Variants in RFX8 observed in about 807,000 individuals in gnomAD.
The protein encoded by RFX8 is regulatory factor X8.
RFX8 carries 46 observed loss-of-function variants against 54.6 expected under a neutral mutation model. The observed-to-expected ratio is 0.84, with a 90% CI of 0.67 to 1.08. RFX8 has a LOEUF of 1.08. RFX8 is among the 50% of genes least tolerant of loss of function. The pLI, the probability that RFX8 is intolerant of heterozygous loss-of-function variation, is 0.00. For synonymous variants in RFX8, 192 were observed against 209.5 expected (o/e 0.92, Z 0.72); for missense variants, 536 against 562.3 (o/e 0.95, Z 0.47).
At chr2:101,405,560 G>C (rs970029627) in intron 10 of RFX8, among the ~76,000 whole-genome samples, 2 of 152,064 alleles carry the variant, frequency 1.3e-5, no homozygotes, top group Non-Finnish European at 2.9e-5. Flanking sequence ...CTCTACCATC[G>C]CATACAATGG....
intron 10 of RFX8, among the ~76,000 whole-genome samples, chr2:101,405,177 G>C (rs568742569): frequency 2.1e-5 from 3 of 144,742 alleles, no homozygotes; most frequent in Non-Finnish European, 4.5e-5. Context: ...GTGAAGTTTC[G>C]TTCTTGTCAC....
chr2:101,413,978 T>C (rs2104556959), intron 7 of RFX8, among the ~76,000 whole-genome samples: 1 of 152,304 alleles, frequency 6.6e-6, no homozygotes, highest in East Asian at 1.9e-4. Flanking sequence ...CCCCAGGCTC[T>C]ATCCCAATAG....
intron 1 of RFX8, among the ~76,000 whole-genome samples, chr2:101,469,531 TA>T (rs1160369205): frequency 6.6e-6 from 1 of 152,160 alleles, no homozygotes; most frequent in Non-Finnish European, 1.5e-5. Flanking sequence ...AAATGTTGGC[TA>T]AATCCGGGAA....
intron 8 of RFX8, among the ~76,000 whole-genome samples, chr2:101,411,490 C>T (rs1182144580): frequency 4.5e-5 from 1 of 22,366 alleles, no homozygotes; most frequent in Non-Finnish European, 1.3e-4. Context: ...GTCTGGAAGG[C>T]ACCGGGCGGG....
intron 1 of RFX8, among the ~76,000 whole-genome samples, chr2:101,469,138 GTATATA>G (rs1330915540): frequency 8.8e-6 from 1 of 113,566 alleles, no homozygotes; most frequent in Non-Finnish European, 1.8e-5. Context: ...ATATATATAA[GTATATA>G]TATATATATA....
chr2:101,446,754 A>G (rs939785315), intron 2 of RFX8, among the ~76,000 whole-genome samples: 1 of 130,764 alleles, frequency 7.6e-6, no homozygotes, highest in Non-Finnish European at 1.6e-5. Context: ...TTCCTGGAGC[A>G]TGCAGGGCTC....
chr2:101,445,134 G>T (rs999264690), intron 2 of RFX8, among the ~76,000 whole-genome samples: 11 of 152,130 alleles, frequency 7.2e-5, no homozygotes, highest in African/African-American at 2.7e-4. Context: ...CCTCTCCCTA[G>T]TCTCTCTAAC....
At chr2:101,412,076 A>C (rs1276548960) in intron 8 of RFX8, among the ~76,000 whole-genome samples, 1 of 152,192 alleles carries the variant, frequency 6.6e-6, no homozygotes, top group Non-Finnish European at 1.5e-5. Flanking sequence ...AGTACTACCA[A>C]GGAGTTATGC....
chr2:101,430,412 T>C (rs972221650), intron 2 of RFX8, among the ~76,000 whole-genome samples: 1 of 152,224 alleles, frequency 6.6e-6, no homozygotes, highest in Non-Finnish European at 1.5e-5. Context: ...TAAGGTTAAA[T>C]GAGATCATAA....
chr2:101,427,694 C>T (rs771125081), intron 2 of RFX8, among the ~76,000 whole-genome samples: 13 of 152,186 alleles, frequency 8.5e-5, no homozygotes, highest in Admixed American at 1.3e-4. Context: ...TTGCCTCCCA[C>T]AGCCCCTCTC....
chr2:101,459,529 G>C (rs1249430788), intron 2 of RFX8, among the ~76,000 whole-genome samples: 1 of 152,110 alleles, frequency 6.6e-6, no homozygotes, highest in Non-Finnish European at 1.5e-5. Flanking sequence ...CGTTTGCCAG[G>C]GTATCACCAG....
intron 10 of RFX8, among the ~76,000 whole-genome samples, chr2:101,404,948 T>C (rs886469309): frequency 3.9e-5 from 6 of 152,284 alleles, no homozygotes; most frequent in Non-Finnish European, 4.4e-5. Context: ...CTTCTTGCTG[T>C]GAGAGTATCT....
At chr2:101,425,318 T>C (rs189280892) in intron 2 of RFX8, among the ~76,000 whole-genome samples, 1 of 152,298 alleles carries the variant, frequency 6.6e-6, no homozygotes, top group African/African-American at 2.4e-5. Flanking sequence ...CACATCAGAA[T>C]CCCTTGGGGC....
chr2:101,436,742 A>G (rs1002879469), intron 2 of RFX8, among the ~76,000 whole-genome samples: 3 of 152,194 alleles, frequency 2.0e-5, no homozygotes, highest in African/African-American at 7.2e-5. Context: ...CACCCTGAGC[A>G]CACACAGCTG....
intron 9 of RFX8, among the ~76,000 whole-genome samples, chr2:101,409,383 C>T (rs1685949756): frequency 6.6e-6 from 1 of 152,036 alleles, no homozygotes; most frequent in Non-Finnish European, 1.5e-5. Context: ...ACATCACGCC[C>T]AGCTAATTTT....
intron 2 of RFX8, among the ~76,000 whole-genome samples, chr2:101,423,600 C>A (rs534815311): frequency 2.0e-5 from 3 of 152,126 alleles, no homozygotes; most frequent in African/African-American, 7.2e-5. Context: ...GCTCTCTGAC[C>A]CTATAGTTCC....
At chr2:101,456,619 T>C (rs1215041671) in intron 2 of RFX8, among the ~76,000 whole-genome samples, 1 of 152,222 alleles carries the variant, frequency 6.6e-6, no homozygotes, top group East Asian at 1.9e-4. Context: ...TTTGCCAGTA[T>C]TTTATTGAGG....
intron 2 of RFX8, among the ~76,000 whole-genome samples, chr2:101,437,027 T>C (rs1687817368): frequency 1.3e-5 from 2 of 152,214 alleles, no homozygotes; most frequent in African/African-American, 4.8e-5. Flanking sequence ...AGGAAAGGGC[T>C]GTGGGATACT....
intron 9 of RFX8, among the ~76,000 whole-genome samples, chr2:101,406,443 C>T (rs996640045): frequency 2.0e-5 from 3 of 148,284 alleles, no homozygotes; most frequent in African/African-American, 5.0e-5. Flanking sequence ...GCGATCTTCC[C>T]ATCTCAGCCT....
Sources: allele counts gnomAD v4.1 joint callset (sites outside exome capture counted in the v4.1 genomes callset), GRCh38; gene constraint gnomAD v4.1.1; transcripts MANE v1.5; gene names NCBI Gene and HGNC (gene_info 2026-07-23, HGNC 2026-07-21).